Variants in BTBD16 observed in about 807,000 individuals in gnomAD.
The protein encoded by BTBD16 is BTB domain containing 16, also known as BTB/POZ domain-containing protein 16.
Under a neutral mutation model 67.4 loss-of-function variants are expected in BTBD16, and 66 were observed. The observed-to-expected ratio is 0.98, with a 90% CI of 0.80 to 1.20. The LOEUF is 1.20. Among genes scored for constraint, BTBD16 ranks in the 50% most tolerant of loss-of-function variants. The probability of loss-of-function intolerance (pLI) is 0.00; values close to 1 mark genes in which losing one functional copy is unlikely to be tolerated. For missense variants in BTBD16, 634 were observed against 616.0 expected (o/e 1.03, Z -0.31); for synonymous variants, 242 against 236.4 (o/e 1.02, Z -0.22).
rs774186295 is a variant in BTBD16 at position 122,276,896 on chromosome 10, G to A, written c.124G>A (p.Ala42Thr). The A allele has an allele frequency of 4.3e-6, 7 of 1,614,216 alleles. No homozygotes were observed. The highest frequency in any genetic ancestry group is 2.2e-5 in the East Asian group (1 of 44,876). ...DLLSLSQMCKALSIDFEEALR... is the reference protein window; with the variant it reads ...DLLSLSQMCKTLSIDFEEALR... ...GCTCTCACTTTCCCAGATGTGCAAG[G>A]CTCTGAGCATAGACTTTGAGGAAGC... is the stretch of plus-strand genomic sequence containing the variant. Residue 42 changes from alanine (A) to threonine (T), a missense_variant, in exon 3 of 16, where the codon GCT (alanine) becomes ACT (threonine). Physicochemically the swap from Ala to Thr is moderately conservative, Grantham distance 58 (BLOSUM62 0). Coordinates refer to ENST00000260723, the MANE Select transcript of BTBD16 (RefSeq NM_144587.5).
At chr10:122,317,069 G>A (rs981363164) in intron 10 of BTBD16, among the ~76,000 whole-genome samples, 11 of 152,166 alleles carry the variant, frequency 7.2e-5, no homozygotes, top group African/African-American at 1.9e-4. Flanking sequence ...GATTACAGGC[G>A]TGAGTCACTG....
chr10:122,324,265 T>C (rs563139583), intron 10 of BTBD16, among the ~76,000 whole-genome samples: 3 of 152,216 alleles, frequency 2.0e-5, no homozygotes, highest in Non-Finnish European at 4.4e-5. Context: ...TGTGCACTGG[T>C]GAACCCAACA....
In BTBD16 at chr10:122,334,897, C is replaced by G; in HGVS notation, c.1181C>G (p.Ser394Trp). The change falls in exon 14 of 16, where the codon TCG (serine) becomes TGG (tryptophan). Residue 394 changes from serine (S) to tryptophan (W), a missense_variant. Physicochemically the swap from Ser to Trp is radical, Grantham distance 177. Coordinates refer to ENST00000260723, the MANE Select transcript of BTBD16 (RefSeq NM_144587.5). ...CCAATTTAGGAGAATACAACTTATTCGAAAACGATTGCTCTATATGGATTC... is the reference window on the plus strand; with the variant it reads ...CCAATTTAGGAGAATACAACTTATTGGAAAACGATTGCTCTATATGGATTC... ...LLFNQENTTY[S>W]KTIALYGFFF... The G allele has an allele frequency of 6.4e-7, 1 of 1,562,208 alleles. No individual in the cohort carries two copies. Among genetic ancestry groups the G allele is most frequent in the Middle Eastern group, 1.7e-4 (1 of 5,960 alleles).
Position 122,336,608 on chromosome 10 carries a change from G to C in BTBD16, c.1378G>C (p.Gly460Arg), listed in dbSNP as rs184112208. 3 of 1,612,684 alleles carry C rather than the reference G, an allele frequency of 1.9e-6. No homozygotes were observed. Among genetic ancestry groups the C allele is most frequent in the African/African-American group, 1.3e-5 (1 of 74,814 alleles). Residue 460 changes from glycine to arginine, a missense_variant, in exon 15 of 16, where the codon GGC becomes CGC. Gly to Arg is a moderately radical substitution (Grantham distance 125). Transcript: ENST00000260723. ...GATCAGAGCAGAGGCCCTGGTTGACGGCAAGTGGCAGGAGTTCAGGACAAA... is the reference window on the plus strand; with the variant it reads ...GATCAGAGCAGAGGCCCTGGTTGACCGCAAGTGGCAGGAGTTCAGGACAAA... ...YEIRAEALVDGKWQEFRTNQI... is the reference protein window; with the variant it reads ...YEIRAEALVDRKWQEFRTNQI...
At chr10:122,335,659 C>T (rs1449178267) in intron 14 of BTBD16, among the ~76,000 whole-genome samples, 2 of 152,172 alleles carry the variant, frequency 1.3e-5, no homozygotes, top group African/African-American at 2.4e-5. Context: ...ACAAGCTTGA[C>T]ACACAAAGCA....
chr10:122,328,699 G>A, intron 10 of BTBD16: 8 of 953,800 alleles, frequency 8.4e-6, no homozygotes, highest in Non-Finnish European at 1.0e-5. Context: ...AAAGGGACTT[G>A]GAAAGATTGT....
At chr10:122,283,194 G>A (rs892989843) in intron 3 of BTBD16, among the ~76,000 whole-genome samples, 1 of 152,254 alleles carries the variant, frequency 6.6e-6, no homozygotes, top group African/African-American at 2.4e-5. Flanking sequence ...AGGGCCGGAG[G>A]CTGGGAGACT....
chr10:122,326,569 G>A (rs1016450534), intron 10 of BTBD16, among the ~76,000 whole-genome samples: 13 of 152,282 alleles, frequency 8.5e-5, no homozygotes, highest in African/African-American at 2.9e-4. Context: ...GAAGGCTCCA[G>A]CAGATGACAG....
chr10:122,283,756 G>A (rs1264605776), intron 3 of BTBD16, 95 bp from the exon 4 acceptor site: 5 of 929,334 alleles, frequency 5.4e-6, no homozygotes, highest in Non-Finnish European at 8.6e-6. Flanking sequence ...ATCAATGGGT[G>A]CTTTAAGGAC....
At chr10:122,300,020 C>T (rs576906666) in intron 9 of BTBD16, among the ~76,000 whole-genome samples, 1 of 152,324 alleles carries the variant, frequency 6.6e-6, no homozygotes, top group South Asian at 2.1e-4. Flanking sequence ...TGCCTGTCCC[C>T]TGCCAGGCTC....
rs1159042927 is a variant in BTBD16 at position 122,275,115 on chromosome 10, T to C, written c.18+16T>C. 1 of 1,612,482 alleles carries C rather than the reference T, an allele frequency of 6.2e-7. No homozygotes were observed. Among genetic ancestry groups the C allele is most frequent in the East Asian group, 2.2e-5 (1 of 44,878 alleles). On this transcript the variant is annotated intron_variant, in intron 2 of 15. Transcript: ENST00000260723. ...GTCGAACACGGTGAGTAGATCAGTT[T>C]CTCAAGAAGGTAGGTGATGAGAAGA...
At chr10:122,313,505 C>T (rs915031800) in intron 10 of BTBD16, among the ~76,000 whole-genome samples, 3 of 148,104 alleles carry the variant, frequency 2.0e-5, no homozygotes, top group South Asian at 2.2e-4. Context: ...CCTTGTGATC[C>T]GCCCGCCTCG....
intron 1 of BTBD16, among the ~76,000 whole-genome samples, chr10:122,273,296 G>C (rs926544405): frequency 6.8e-6 from 1 of 146,898 alleles, no homozygotes; most frequent in South Asian, 2.2e-4. Context: ...AACATGTATA[G>C]ATATATGTAT....
intron 7 of BTBD16, among the ~76,000 whole-genome samples, chr10:122,293,598 AG>A (rs1212727271): frequency 6.6e-6 from 1 of 152,220 alleles, no homozygotes; most frequent in Non-Finnish European, 1.5e-5. Context: ...GAACCATCTA[AG>A]GAATCTGGCC....
At chr10:122,298,778 CT>C (rs1281382415) in intron 8 of BTBD16, among the ~76,000 whole-genome samples, 6 of 152,198 alleles carry the variant, frequency 3.9e-5, no homozygotes, top group Admixed American at 3.9e-4. Context: ...GTGAACCCAC[CT>C]CATAGGTTTT....
At chr10:122,333,912 C>A (rs2096458807) in intron 13 of BTBD16, among the ~76,000 whole-genome samples, 1 of 152,046 alleles carries the variant, frequency 6.6e-6, no homozygotes, top group Non-Finnish European at 1.5e-5. Context: ...TACCTTCTTG[C>A]ATGATTATTG....
rs188514664 is a variant in BTBD16, at chr10:122,318,076, T to G, written c.911+10768T>G. Among the ~76,000 whole-genome samples, 3 of 152,292 alleles carry G rather than the reference T, an allele frequency of 2.0e-5. No individual in the cohort carries two copies. The East Asian group carries it at 5.8e-4, about 29-fold the overall frequency. On this transcript the variant is annotated intron_variant, in intron 10 of 15. Transcript: ENST00000260723. ...ACCAACCACACCACAAACACATGTG[T>G]TGTGCTATAGAATCACTAGACAATA... is the stretch of plus-strand genomic sequence containing the variant.
At chr10:122,334,571 A>G (rs891897331) in intron 13 of BTBD16, among the ~76,000 whole-genome samples, 23 of 134,404 alleles carry the variant, frequency 1.7e-4, no homozygotes, top group African/African-American at 6.6e-4. Context: ...CAGTAACACA[A>G]TCTCAGCTCA....
At chr10:122,292,682 G>C (rs2096376320) in intron 7 of BTBD16, among the ~76,000 whole-genome samples, 1 of 152,196 alleles carries the variant, frequency 6.6e-6, no homozygotes, top group African/African-American at 2.4e-5. Flanking sequence ...AACTTCTTAG[G>C]CTCCTCTGGG....
Sources: gnomAD v4.1 joint callset for allele counts (sites outside exome capture counted in the v4.1 genomes callset) on GRCh38, gnomAD v4.1.1 for gene constraint, MANE v1.5 for transcripts, NCBI Gene and HGNC (gene_info 2026-07-23, HGNC 2026-07-21) for gene names.